Variants in DNAAF11 observed in about 807,000 individuals in gnomAD.
DNAAF11 encodes the protein leucine rich repeat containing 6.
A neutral mutation model predicts 60.8 loss-of-function variants in DNAAF11; 45 were observed. The ratio of observed to expected loss-of-function variants is 0.74; its 90% CI spans 0.58 to 0.95. DNAAF11 has a LOEUF of 0.95. Ranked by LOEUF, DNAAF11 falls within the 40% of genes least tolerant of loss-of-function variation. DNAAF11 has a pLI of 0.00. For missense variants in DNAAF11, 546 were observed against 546.2 expected, an observed-to-expected ratio of 1.00 and a Z score of 0.00; for synonymous variants, 191 against 183.5, an observed-to-expected ratio of 1.04 and a Z score of -0.33.
intron 1 of DNAAF11, among the ~76,000 whole-genome samples, chr8:132,664,590 T>A (rs537172499): frequency 6.6e-6 from 1 of 152,050 alleles, no homozygotes. Context: ...GCCTTCTGAG[T>A]AGCTGGAACT....
Position 132,625,418 on chromosome 8 carries a change from T to TGTA in DNAAF11, c.689_690insTAC (p.Pro230_Asp231insThr), listed in dbSNP as rs1563642798. 6.2e-7 allele frequency: 1 copy of TGTA among 1,612,548 alleles called. No individual in the cohort carries two copies. Among genetic ancestry groups the TGTA allele is most frequent in the Non-Finnish European group, 8.5e-7 (1 of 1,179,318 alleles). On this transcript the variant is annotated inframe_insertion, in exon 6 of 12. Coordinates refer to ENST00000620350, the MANE Select transcript of DNAAF11 (RefSeq NM_012472.6). ...TCTTTGTGTTGTGTTCCTCTGTGTC[T>TGTA]GGTGCCTGTAGGTGGTCTTTGCTCT...
intron 1 of DNAAF11, among the ~76,000 whole-genome samples, chr8:132,665,874 G>C (rs1403919019): frequency 6.6e-6 from 1 of 152,176 alleles, no homozygotes; most frequent in Admixed American, 6.5e-5. Flanking sequence ...GGATTGGATA[G>C]AGAAAATTTG....
intron 10 of DNAAF11, among the ~76,000 whole-genome samples, chr8:132,607,464 T>C (rs1317517033): frequency 6.6e-6 from 1 of 152,024 alleles, no homozygotes; most frequent in East Asian, 1.9e-4. Context: ...TCCACTGACA[T>C]GGCAGCAACA....
intron 10 of DNAAF11, among the ~76,000 whole-genome samples, chr8:132,605,083 C>T (rs1453844548): frequency 6.6e-6 from 1 of 152,036 alleles, no homozygotes; most frequent in African/African-American, 2.4e-5. Context: ...TGTATTATGT[C>T]CCAAGCGCTG....
intron 1 of DNAAF11, among the ~76,000 whole-genome samples, chr8:132,663,233 C>T (rs1824304606): frequency 6.6e-6 from 1 of 152,142 alleles, no homozygotes; most frequent in African/African-American, 2.4e-5. Flanking sequence ...CCCTGGAATT[C>T]CAATAATGGT....
At chr8:132,593,002 G>A (rs1266217827) in intron 10 of DNAAF11, among the ~76,000 whole-genome samples, 1 of 151,826 alleles carries the variant, frequency 6.6e-6, no homozygotes, top group African/African-American at 2.4e-5. Context: ...CAATGGATAA[G>A]ATCAATCAGG....
chr8:132,680,854 G>A, the DNAAF11 span, among the ~76,000 whole-genome samples: 21,868 of 151,144 alleles, frequency 0.14, 1,676 homozygotes, highest in East Asian at 0.24. Flanking sequence ...GGACTAATTG[G>A]CACATTACAT....
intron 10 of DNAAF11, among the ~76,000 whole-genome samples, 176 bp downstream of exon 10, chr8:132,609,990 G>A (rs1366362496): frequency 6.6e-6 from 1 of 152,122 alleles, no homozygotes; most frequent in Non-Finnish European, 1.5e-5. Flanking sequence ...ACACATTCCA[G>A]TCTGAGTTCT....
At chr8:132,638,994 T>C (rs1326738899) in intron 3 of DNAAF11, among the ~76,000 whole-genome samples, 1 of 152,292 alleles carries the variant, frequency 6.6e-6, no homozygotes, top group East Asian at 1.9e-4. Context: ...AGAATTATAA[T>C]AGTATTGGTA....
the DNAAF11 span, among the ~76,000 whole-genome samples, chr8:132,681,635 G>A: frequency 6.6e-6 from 1 of 151,992 alleles, no homozygotes; most frequent in Non-Finnish European, 1.5e-5. Context: ...GTATAAATTT[G>A]TATTGTTGGA....
chr8:132,693,969 G>A, the DNAAF11 span, among the ~76,000 whole-genome samples: 1 of 152,178 alleles, frequency 6.6e-6, no homozygotes. Context: ...GAAGATTTGA[G>A]CAAAGGAATG....
chr8:132,689,563 T>C, the DNAAF11 span, among the ~76,000 whole-genome samples: 1 of 152,194 alleles, frequency 6.6e-6, no homozygotes, highest in African/African-American at 2.4e-5. Context: ...TTTATTGTTT[T>C]TATTACAATA....
At chr8:132,675,821 T>A (rs1379454725), upstream of DNAAF11, among the ~76,000 whole-genome samples, 2 of 152,202 alleles carry the variant, frequency 1.3e-5, no homozygotes, top group Non-Finnish European at 2.9e-5. Flanking sequence ...AGGACGCTTC[T>A]CTTTTCTGTG....
At chr8:132,595,107 T>C (rs1355739212) in intron 10 of DNAAF11, among the ~76,000 whole-genome samples, 1 of 152,074 alleles carries the variant, frequency 6.6e-6, no homozygotes, top group Non-Finnish European at 1.5e-5. Flanking sequence ...CTTTATAAAT[T>C]ACCCAGTCTT....
intron 9 of DNAAF11, 26 bp downstream of exon 9, chr8:132,611,268 G>A (rs1031851064): frequency 2.6e-6 from 4 of 1,542,912 alleles, no homozygotes; most frequent in African/African-American, 1.4e-5. Flanking sequence ...TTTTGAAATT[G>A]TAATAGCCTA....
At chr8:132,633,652 G>A (rs1563657004) in intron 4 of DNAAF11, among the ~76,000 whole-genome samples, 1 of 152,108 alleles carries the variant, frequency 6.6e-6, no homozygotes, top group Non-Finnish European at 1.5e-5. Flanking sequence ...TACCTTACAT[G>A]GCAAAAGGGG....
chr8:132,629,642 C>T (rs1002558744), intron 5 of DNAAF11, among the ~76,000 whole-genome samples: 7 of 152,054 alleles, frequency 4.6e-5, no homozygotes, highest in Non-Finnish European at 8.8e-5. Flanking sequence ...CCACTGCGCC[C>T]GGCCCAGATA....
At position 132,625,256 on chromosome 8, in the gene DNAAF11, G is replaced by A. The variant is rs1820136667; in HGVS notation, c.836+16C>T. 2 of 1,577,260 alleles carry A rather than the reference G, an allele frequency of 1.3e-6. No homozygotes were observed. The highest frequency in any genetic ancestry group is 1.2e-5 in the South Asian group (1 of 83,368). On this transcript the variant is annotated intron_variant, in intron 6 of 11. Coordinates refer to ENST00000620350, the MANE Select transcript of DNAAF11 (RefSeq NM_012472.6). Reference sequence around the variant, plus strand: ...AAGTGGCTACTGCTTCCCTCTCCTAGGAAAGAATGAAATACCTTAATTTTT... The same window carrying A: ...AAGTGGCTACTGCTTCCCTCTCCTAAGAAAGAATGAAATACCTTAATTTTT...
At chr8:132,682,425 C>T in the DNAAF11 span, among the ~76,000 whole-genome samples, 54 of 152,208 alleles carry the variant, frequency 3.5e-4, 1 homozygote, top group Non-Finnish European at 2.9e-5. Flanking sequence ...CTTAATATCC[C>T]TGAATGACTG....
Sources: allele counts gnomAD v4.1 joint callset (sites outside exome capture counted in the v4.1 genomes callset), GRCh38; gene constraint gnomAD v4.1.1; transcripts MANE v1.5; gene names NCBI Gene and HGNC (gene_info 2026-07-23, HGNC 2026-07-21).